GML: variants seen among roughly 807,000 people sequenced by gnomAD.
GML encodes the protein glycosyl-phosphatidylinositol-anchored molecule-like protein.
Under a neutral mutation model 8.2 loss-of-function variants are expected in GML, and 5 were observed. That is an observed-to-expected ratio of 0.61 (90% CI 0.32 to 1.28). The LOEUF is 1.28. Ranked by LOEUF, GML falls within the 50% of genes most tolerant of loss-of-function variation. The pLI is 0.06. For missense variants in GML, 191 were observed against 198.3 expected (o/e 0.96, Z 0.22); for synonymous variants, 72 against 69.0 (o/e 1.04, Z -0.22).
At position 142,840,450 on chromosome 8, in the gene GML, G is replaced by A. The variant is rs992195182; in HGVS notation, c.13G>A (p.Ala5Thr). 1.9e-6 allele frequency: 3 copies of A among 1,613,418 alleles called. No individual in the cohort carries two copies. Among genetic ancestry groups the A allele is most frequent in the Non-Finnish European group, 2.5e-6 (3 of 1,179,456 alleles). ...CCTGCGTGAAGTGATGCTCCTCTTT[G>A]CCTTACTCCTAGCCATGGAGCTCCC... MLLF[A>T]LLLAMELPLV... Residue 5 changes from alanine to threonine, a missense_variant, in exon 2 of 4, where the codon GCC (alanine) becomes ACC (threonine). By Grantham distance (58) the Ala-to-Thr change is moderately conservative. Transcript: ENST00000220940.
At chr8:142,842,523 T>A (rs1816447532) in intron 3 of GML, among the ~76,000 whole-genome samples, 1 of 152,170 alleles carries the variant, frequency 6.6e-6, no homozygotes, top group African/African-American at 2.4e-5. Context: ...GGGTAATAGT[T>A]GGCAAAAAGA....
In GML at chr8:142,846,510, C is replaced by T. The variant is rs1430025897; in HGVS notation, c.297C>T (p.Phe99=). The T allele has an allele frequency of 6.2e-7, 1 of 1,613,944 alleles. No individual in the cohort carries two copies. The highest frequency in any genetic ancestry group is 2.2e-5 in the East Asian group (1 of 44,874). The change falls in exon 4 of 4, where the codon TTC becomes TTT. Residue 99 remains phenylalanine (F), a synonymous_variant. Transcript: ENST00000220940. ...APGKIFKTNS[F]YWVCCCNSMV... ...GAAAAATCTTCAAAACTAATAGCTT[C>T]TACTGGGTTTGTTGTTGTAATAGCA...
intron 3 of GML, among the ~76,000 whole-genome samples, chr8:142,842,111 C>G (rs1287315383): frequency 6.6e-6 from 1 of 152,096 alleles, no homozygotes; most frequent in Non-Finnish European, 1.5e-5. Flanking sequence ...TCATGATGTT[C>G]TCGTGATAGT....
chr8:142,842,450 G>A (rs1816446448), intron 3 of GML, among the ~76,000 whole-genome samples: 2 of 152,190 alleles, frequency 1.3e-5, no homozygotes, highest in African/African-American at 2.4e-5. Flanking sequence ...GCATGGTTTT[G>A]TCATGTTGGG....
chr8:142,835,280 G>A (rs796168179), intron 1 of GML, among the ~76,000 whole-genome samples: 1 of 24,592 alleles, frequency 4.1e-5, no homozygotes, highest in East Asian at 8.3e-3. Context: ...CCGCTTCCCT[G>A]GGGCCCCCCT....
intron 3 of GML, among the ~76,000 whole-genome samples, chr8:142,844,282 T>A (rs2130227043): frequency 6.6e-6 from 1 of 152,370 alleles, no homozygotes; most frequent in South Asian, 2.1e-4. Context: ...ACACAATATC[T>A]GCACCATATA....
At chr8:142,838,953 C>A (rs1419363362) in intron 1 of GML, among the ~76,000 whole-genome samples, 1 of 152,164 alleles carries the variant, frequency 6.6e-6, no homozygotes, top group African/African-American at 2.4e-5. Context: ...AATCAGTGAA[C>A]ACACTTGATG....
chr8:142,839,376 G>T (rs1329892215), intron 1 of GML, among the ~76,000 whole-genome samples: 2 of 152,210 alleles, frequency 1.3e-5, no homozygotes, highest in African/African-American at 4.8e-5. Flanking sequence ...ACTGGCGCTG[G>T]ACTTGGTACA....
At chr8:142,835,917 T>C (rs1334220200) in intron 1 of GML, among the ~76,000 whole-genome samples, 1 of 152,252 alleles carries the variant, frequency 6.6e-6, no homozygotes, top group Non-Finnish European at 1.5e-5. Context: ...TTTATTTCTA[T>C]ATATGTTATG....
chr8:142,840,242 G>A (rs773225379), intron 1 of GML, among the ~76,000 whole-genome samples, 174 bp from the exon 2 acceptor site: 8 of 152,228 alleles, frequency 5.3e-5, no homozygotes, highest in Admixed American at 1.3e-4. Context: ...AGCCTCGTGT[G>A]TGGGTGAGAC....
chr8:142,843,898 A>C (rs1008535563), intron 3 of GML, among the ~76,000 whole-genome samples: 2 of 152,244 alleles, frequency 1.3e-5, no homozygotes, highest in African/African-American at 2.4e-5. Flanking sequence ...GAGTAAGGAT[A>C]TCTCTTCTCC....
chr8:142,841,596 C>G (rs1448105493), intron 3 of GML, among the ~76,000 whole-genome samples: 6 of 152,176 alleles, frequency 3.9e-5, no homozygotes, highest in Non-Finnish European at 8.8e-5. Context: ...AGAGTGCTTC[C>G]AGCTCGGCAG....
At chr8:142,839,472 G>C (rs1816392944) in intron 1 of GML, among the ~76,000 whole-genome samples, 1 of 152,172 alleles carries the variant, frequency 6.6e-6, no homozygotes, top group African/African-American at 2.4e-5. Context: ...TTCTAGTTCT[G>C]TAGCCCCAGC....
chr8:142,843,340 A>G (rs1378811936), intron 3 of GML, among the ~76,000 whole-genome samples: 2 of 151,448 alleles, frequency 1.3e-5, no homozygotes, highest in African/African-American at 2.4e-5. Flanking sequence ...CAGAATTGCA[A>G]TGTGGTTTAC....
At position 142,843,250 on chromosome 8, in the gene GML, G is replaced by A. The variant is rs1339015029; in HGVS notation, c.181+2025G>A. Among the ~76,000 whole-genome samples, 19 of 43,450 alleles carry A rather than the reference G, an allele frequency of 4.4e-4. No homozygotes were observed. In the East Asian group the frequency reaches 0.014, roughly 32 times the overall value. 28.5% of individuals were successfully genotyped at this position (43,450 alleles called of 152,430 possible). On this transcript the variant is annotated intron_variant, in intron 3 of 3. Transcript: ENST00000220940. ...CCTAAAACTATTTTTAAAATAAAAG[G>A]TTCATACACACACACACACACACAC...
At chr8:142,841,248 GAC>G in intron 3 of GML, 23 bp downstream of exon 3, 1 of 1,174,092 alleles carries the variant, frequency 8.5e-7, no homozygotes, top group Non-Finnish European at 1.3e-6. Flanking sequence ...TTGTCATTTT[GAC>G]ACATTGTAGA....
intron 1 of GML, among the ~76,000 whole-genome samples, chr8:142,836,919 A>G (rs1586542294): frequency 6.6e-6 from 1 of 152,322 alleles, no homozygotes; most frequent in South Asian, 2.1e-4. Context: ...CTGAAATTGA[A>G]ATCTTTTCTT....
chr8:142,841,090 G>T (rs747179577), intron 2 of GML, 28 bp from the exon 3 acceptor site: 1 of 1,054,896 alleles, frequency 9.5e-7, no homozygotes, highest in South Asian at 1.3e-5. Context: ...TGGAGCAGAA[G>T]CCTGAAGCCT....
chr8:142,846,696 C>G lies in GML; in HGVS notation c.*6C>G. 6.2e-7 allele frequency: 1 copy of G among 1,606,600 alleles called. No individual in the cohort carries two copies. The highest frequency in any genetic ancestry group is 1.7e-5 in the Admixed American group (1 of 59,936). ...TCAGCAATATATTGCCATGAGGACC[C>G]CACCTTGGAGGGTCTGACCATCTTC... On this transcript the variant is annotated 3_prime_UTR_variant, in exon 4 of 4. Coordinates refer to ENST00000220940, the MANE Select transcript of GML (RefSeq NM_002066.3).
Sources: allele counts gnomAD v4.1 joint callset (sites outside exome capture counted in the v4.1 genomes callset), GRCh38; gene constraint gnomAD v4.1.1; transcripts MANE v1.5; gene names NCBI Gene and HGNC (gene_info 2026-07-23, HGNC 2026-07-21).